The following SMARCC1 variants were observed in gnomAD, a reference collection of about 807,000 sequenced individuals.
SMARCC1 encodes the protein SWI/SNF related BAF chromatin remodeling complex subunit C1.
In SMARCC1, 43 loss-of-function variants were observed where a neutral mutation model predicts 147.4. The ratio of observed to expected loss-of-function variants is 0.29; its 90% CI spans 0.23 to 0.38. The LOEUF is 0.38. SMARCC1 is among the 10% of genes least tolerant of loss of function. The pLI, the probability that SMARCC1 is intolerant of heterozygous loss-of-function variation, is 1.00. For missense variants in SMARCC1, 1,119 were observed against 1,381.1 expected (o/e 0.81, Z 3.01); for synonymous variants, 495 against 484.4 (o/e 1.02, Z -0.29).
chr3:47,641,845 C>T (rs1473011526), intron 21 of SMARCC1, among the ~76,000 whole-genome samples: 1 of 152,120 alleles, frequency 6.6e-6, no homozygotes, highest in Admixed American at 6.5e-5. Context: ...AGACATAGCT[C>T]ACTGCAGCCT....
intron 19 of SMARCC1, chr3:47,663,905 G>T: frequency 6.8e-7 from 1 of 1,470,954 alleles, no homozygotes; most frequent in Non-Finnish European, 9.5e-7. Context: ...GCTGGGTCTA[G>T]CTGTCACCGC....
chr3:47,732,842 G>A lies in SMARCC1; in HGVS notation c.576+3192C>T, dbSNP rs1559657349. Among the ~76,000 whole-genome samples, 3 of 152,234 alleles carry A rather than the reference G, an allele frequency of 2.0e-5. No individual in the cohort carries two copies. In the South Asian group the frequency reaches 6.2e-4, roughly 32 times the overall value. On this transcript the variant is annotated intron_variant, in intron 5 of 27. Transcript: ENST00000254480. ...CTAAAAAAGTAAGCCAGGCGCGGTG[G>A]CTCACACCTGTAATCCCAGCACTTT...
At position 47,670,865 on chromosome 3, in the gene SMARCC1, C is replaced by T. The variant is rs2033486576; in HGVS notation, c.1840-148G>A. ...ACAGGAATAAAACACTTTAAGGAGC[C>T]TAAACTTCTATAAGAAATGCTGGCT... is the stretch of plus-strand genomic sequence containing the variant. On this transcript the variant is annotated intron_variant, in intron 18 of 27. Coordinates refer to ENST00000254480, the MANE Select transcript of SMARCC1 (RefSeq NM_003074.4). The T allele has an allele frequency of 7.9e-6, 5 of 634,060 alleles. No homozygotes were observed. In the Admixed American group the frequency reaches 8.3e-5, roughly 10 times the overall value. The allele number at this position is 634,060 out of a possible 1,614,324, so 39.3% of individuals were successfully genotyped here. A position where few individuals can be genotyped will look rare whatever the true frequency, so the allele number is the denominator to read the frequency against.
intron 6 of SMARCC1, among the ~76,000 whole-genome samples, chr3:47,725,314 C>T (rs1350549036): frequency 2.0e-5 from 3 of 151,818 alleles, no homozygotes; most frequent in African/African-American, 7.3e-5. Context: ...CAAGGACTAA[C>T]GTGGGAGAAG....
chr3:47,602,496 C>T (rs1324211547), intron 26 of SMARCC1, among the ~76,000 whole-genome samples: 2 of 152,068 alleles, frequency 1.3e-5, no homozygotes, highest in African/African-American at 2.4e-5. Context: ...GAGGGTTTCA[C>T]CATGTTGCCC....
intron 21 of SMARCC1, among the ~76,000 whole-genome samples, chr3:47,650,908 C>G (rs1441076086): frequency 4.6e-5 from 7 of 152,104 alleles, no homozygotes; most frequent in Admixed American, 4.6e-4. Context: ...AGAAAATTTT[C>G]TTTGAAAATC....
At position 47,702,938 on chromosome 3, in the gene SMARCC1, C is replaced by T. The variant is rs946380147; in HGVS notation, c.1041-1536G>A. ...TTCTTTTCTTTTGTTTTGGTGGGGG[C>T]GGGGGTAGGAGACAGTCTTGCTCTG... is the stretch of plus-strand genomic sequence containing the variant. On this transcript the variant is annotated intron_variant, in intron 10 of 27. Coordinates refer to ENST00000254480, the MANE Select transcript of SMARCC1 (RefSeq NM_003074.4). Among the ~76,000 whole-genome samples, 3 of 150,776 alleles carry T rather than the reference C, an allele frequency of 2.0e-5. No individual in the cohort carries two copies. In the East Asian group the frequency reaches 5.8e-4, roughly 29 times the overall value.
intron 21 of SMARCC1, among the ~76,000 whole-genome samples, chr3:47,650,298 A>AATAAT (rs770226262): frequency 1.4e-5 from 2 of 141,068 alleles, no homozygotes. Context: ...TAATAATAAT[A>AATAAT]ATTATTATTA....
intron 21 of SMARCC1, among the ~76,000 whole-genome samples, chr3:47,644,888 T>C (rs2033097558): frequency 6.6e-6 from 1 of 152,252 alleles, no homozygotes; most frequent in African/African-American, 2.4e-5. Context: ...GATTAATTTC[T>C]GTATTTCTCA....
At chr3:47,770,863 C>T (rs760058876) in intron 2 of SMARCC1, among the ~76,000 whole-genome samples, 1 of 152,014 alleles carries the variant, frequency 6.6e-6, no homozygotes, top group African/African-American at 2.4e-5. Flanking sequence ...CACAGACAAA[C>T]ACATTTACAG....
intron 4 of SMARCC1, among the ~76,000 whole-genome samples, chr3:47,737,625 G>GT (rs1457847573): frequency 5.3e-5 from 8 of 151,470 alleles, no homozygotes; most frequent in East Asian, 1.9e-4. Flanking sequence ...CCAATCTGTG[G>GT]TTTTTTTTGT....
chr3:47,624,651 G>A (rs2032782163), intron 24 of SMARCC1, among the ~76,000 whole-genome samples: 2 of 152,114 alleles, frequency 1.3e-5, no homozygotes, highest in African/African-American at 2.4e-5. Context: ...ATGTGTTCTA[G>A]CTCAAGTAAT....
At chr3:47,638,047 G>A (rs377365797) in intron 22 of SMARCC1, among the ~76,000 whole-genome samples, 1 of 152,314 alleles carries the variant, frequency 6.6e-6, no homozygotes, top group East Asian at 1.9e-4. Context: ...CCTGGCACAA[G>A]AATAGGACTC....
intron 13 of SMARCC1, 108 bp downstream of exon 13, chr3:47,689,279 G>A: frequency 3.6e-6 from 3 of 836,192 alleles, no homozygotes; most frequent in South Asian, 1.5e-5. Flanking sequence ...AAAACCAGAA[G>A]GGCTTCATAG....
chr3:47,664,685 C>G (rs769844788), intron 19 of SMARCC1, among the ~76,000 whole-genome samples: 1 of 152,134 alleles, frequency 6.6e-6, no homozygotes, highest in African/African-American at 2.4e-5. Context: ...TCTCCAGGAC[C>G]ATGGTTCTCA....
chr3:47,613,183 G>A (rs1200930625), intron 25 of SMARCC1, among the ~76,000 whole-genome samples: 2 of 152,078 alleles, frequency 1.3e-5, no homozygotes, highest in African/African-American at 4.8e-5. Flanking sequence ...TGGTCATCAA[G>A]GCATTCTTTT....
intron 21 of SMARCC1, among the ~76,000 whole-genome samples, chr3:47,644,872 A>G (rs2033097409): frequency 6.6e-6 from 1 of 152,198 alleles, no homozygotes; most frequent in African/African-American, 2.4e-5. Context: ...GGAAATGAGG[A>G]TGAAAGATTA....
chr3:47,746,562 C>T (rs2034566034), intron 2 of SMARCC1, among the ~76,000 whole-genome samples: 3 of 152,044 alleles, frequency 2.0e-5, no homozygotes, highest in African/African-American at 7.2e-5. Context: ...CACTTGAGCA[C>T]AGAAATTCAA....
intron 11 of SMARCC1, among the ~76,000 whole-genome samples, chr3:47,698,532 CG>C (rs1196457445): frequency 6.6e-6 from 1 of 151,642 alleles, no homozygotes; most frequent in Non-Finnish European, 1.5e-5. Context: ...ATAGAATACA[CG>C]GCCAAAAATT....
Sources: allele counts gnomAD v4.1 joint callset (sites outside exome capture counted in the v4.1 genomes callset), GRCh38; gene constraint gnomAD v4.1.1; transcripts MANE v1.5; gene names NCBI Gene and HGNC (gene_info 2026-07-23, HGNC 2026-07-21).